The following KLF12 variants were observed in gnomAD, a reference collection of about 807,000 sequenced individuals.
KLF12 encodes KLF transcription factor 12, also known as Krueppel-like factor 12.
A neutral mutation model predicts 37.8 loss-of-function variants in KLF12; 9 were observed. The observed-to-expected ratio is 0.24, with a 90% CI of 0.14 to 0.42. The LOEUF (loss-of-function observed/expected upper bound fraction) is 0.42, where lower values mean the gene tolerates loss of function less well. Among genes scored for constraint, KLF12 ranks in the 10% least tolerant of loss-of-function variants. The probability of loss-of-function intolerance (pLI) is 1.00; values close to 1 mark genes in which losing one functional copy is unlikely to be tolerated. For missense variants in KLF12, 411 were observed against 516.0 expected (o/e 0.80, Z 1.97); for synonymous variants, 208 against 202.1 (o/e 1.03, Z -0.25).
At chr13:73,818,624 A>G (rs1378577635) in intron 4 of KLF12, among the ~76,000 whole-genome samples, 1 of 152,258 alleles carries the variant, frequency 6.6e-6, no homozygotes, top group African/African-American at 2.4e-5. Context: ...TTCTATTTCT[A>G]TAGGTTGCAA....
At chr13:74,176,352 T>A in the KLF12 span, among the ~76,000 whole-genome samples, 1 of 152,204 alleles carries the variant, frequency 6.6e-6, no homozygotes, top group Non-Finnish European at 1.5e-5. Context: ...AATTTTTCAT[T>A]TGACTGACAT....
chr13:73,941,889 A>G (rs1440593607), intron 3 of KLF12, among the ~76,000 whole-genome samples: 3 of 152,226 alleles, frequency 2.0e-5, no homozygotes, highest in African/African-American at 4.8e-5. Flanking sequence ...CAGAATCTAA[A>G]TAAGAGTTAA....
chr13:74,279,452 A>AT, the KLF12 span, among the ~76,000 whole-genome samples: 15 of 150,172 alleles, frequency 1.0e-4, no homozygotes, highest in East Asian at 2.0e-4. Context: ...GGTAAGAAAA[A>AT]TTTTTTTTTT....
chr13:74,118,396 T>C (rs1284807836), intron 1 of KLF12, among the ~76,000 whole-genome samples: 1 of 152,218 alleles, frequency 6.6e-6, no homozygotes, highest in Non-Finnish European at 1.5e-5. Flanking sequence ...TTAATGAACT[T>C]TGCAAAGTTT....
intron 2 of KLF12, among the ~76,000 whole-genome samples, chr13:73,969,885 T>C (rs1891279637): frequency 1.3e-5 from 2 of 152,224 alleles, no homozygotes; most frequent in Admixed American, 6.5e-5. Flanking sequence ...GTTTACCTGT[T>C]AGATATATAC....
intron 3 of KLF12, among the ~76,000 whole-genome samples, chr13:73,939,837 C>T (rs1203776259): frequency 6.6e-6 from 1 of 152,136 alleles, no homozygotes; most frequent in African/African-American, 2.4e-5. Flanking sequence ...TGTGAATTTA[C>T]ACTTCCATAC....
the KLF12 span, chr13:74,289,033 G>A: frequency 6.6e-6 from 1 of 152,100 alleles, no homozygotes; most frequent in African/African-American, 2.4e-5. Flanking sequence ...GCTTTATTTA[G>A]AACCTAACAA....
In KLF12 at chr13:73,889,672, T is replaced by C. The variant is rs78592319; in HGVS notation, c.124-43299A>G. Among the ~76,000 whole-genome samples, 1,281 of 152,248 alleles carry C rather than the reference T, an allele frequency of 8.4e-3. 16 individuals carry two copies. The highest frequency in any genetic ancestry group is 0.029 in the African/African-American group (1,196 of 41,554). On this transcript the variant is annotated intron_variant, in intron 3 of 7. Transcript: ENST00000377669. The stretch of plus-strand genomic sequence containing the variant: ...TACCCAAAAGGACCCAAGAGTATCA[T>C]TACATTTTTGGCACATTTTATATAT...
chr13:74,083,537 CACAA>C (rs1182445648), intron 1 of KLF12, among the ~76,000 whole-genome samples: 5 of 144,396 alleles, frequency 3.5e-5, no homozygotes, highest in African/African-American at 5.1e-5. Context: ...CACACACACA[CACAA>C]ACATTTAATA....
At chr13:74,280,886 A>G in the KLF12 span, among the ~76,000 whole-genome samples, 1 of 150,210 alleles carries the variant, frequency 6.7e-6, no homozygotes, top group Non-Finnish European at 1.5e-5. Context: ...AAGGGAGGAA[A>G]ACAAACTCAA....
At chr13:74,069,530 T>C (rs769561764) in intron 1 of KLF12, among the ~76,000 whole-genome samples, 8 of 151,696 alleles carry the variant, frequency 5.3e-5, no homozygotes, top group Non-Finnish European at 1.2e-4. Flanking sequence ...AGTGGAGAGG[T>C]TGGAAAGGCT....
At chr13:74,025,683 G>A (rs1164998294) in intron 1 of KLF12, among the ~76,000 whole-genome samples, 1 of 152,006 alleles carries the variant, frequency 6.6e-6, no homozygotes, top group Non-Finnish European at 1.5e-5. Context: ...GGTACCCAAG[G>A]GAATTTAGAA....
chr13:73,783,288 G>A (rs1045092334), intron 5 of KLF12, among the ~76,000 whole-genome samples: 2 of 152,114 alleles, frequency 1.3e-5, no homozygotes, highest in African/African-American at 4.8e-5. Context: ...ATCTCATGGA[G>A]GTCCACAGTA....
chr13:73,976,325 C>A (rs1437085451), intron 2 of KLF12, among the ~76,000 whole-genome samples: 1 of 152,112 alleles, frequency 6.6e-6, no homozygotes, highest in Non-Finnish European at 1.5e-5. Flanking sequence ...TGGAGCACCT[C>A]GAAGTTGACA....
chr13:73,898,593 T>A lies in KLF12; in HGVS notation c.123+45388A>T, dbSNP rs114287820. ...AAAACTGGAGAGAAAAAAGAGTGAA[T>A]CATGGAGTCATGTGTCCTCTGTCTG... On this transcript the variant is annotated intron_variant, in intron 3 of 7. Transcript: ENST00000377669. Among the ~76,000 whole-genome samples, 340 of 152,188 alleles carry A rather than the reference T, an allele frequency of 2.2e-3. 2 individuals are homozygous for A. The highest frequency in any genetic ancestry group is 7.9e-3 in the African/African-American group (327 of 41,522).
At chr13:73,875,851 C>T (rs12872857) in intron 3 of KLF12, among the ~76,000 whole-genome samples, 2,715 of 152,210 alleles carry the variant, frequency 0.018, 40 homozygotes, top group Middle Eastern at 0.037. Context: ...GTTTTCTGTG[C>T]TAAAATCTGA....
At chr13:73,741,679 C>CGGAA (rs1412426308) in intron 6 of KLF12, among the ~76,000 whole-genome samples, 2 of 151,978 alleles carry the variant, frequency 1.3e-5, no homozygotes, top group Non-Finnish European at 2.9e-5. Flanking sequence ...CTCTGACTTC[C>CGGAA]CATCATGTTT....
chr13:73,719,171 CT>C (rs1428785503), intron 6 of KLF12, among the ~76,000 whole-genome samples: 5 of 152,116 alleles, frequency 3.3e-5, no homozygotes, highest in African/African-American at 1.2e-4. Flanking sequence ...GTAAGTGAAG[CT>C]GAGGTAACAG....
chr13:74,221,718 A>T, the KLF12 span, among the ~76,000 whole-genome samples: 2 of 152,208 alleles, frequency 1.3e-5, no homozygotes, highest in Non-Finnish European at 2.9e-5. Flanking sequence ...AAGTGGAGTT[A>T]ATATGCAATT....
Sources: allele counts gnomAD v4.1 joint callset (sites outside exome capture counted in the v4.1 genomes callset), GRCh38; gene constraint gnomAD v4.1.1; transcripts MANE v1.5; gene names NCBI Gene and HGNC (gene_info 2026-07-23, HGNC 2026-07-21).